The following ABCC4 variants were observed in gnomAD, a reference collection of about 807,000 sequenced individuals.
The protein encoded by ABCC4 is ATP-binding cassette sub-family C member 4.
Under a neutral mutation model 168.5 loss-of-function variants are expected in ABCC4, and 102 were observed. The ratio of observed to expected loss-of-function variants is 0.61; its 90% CI spans 0.52 to 0.71. ABCC4 has a LOEUF of 0.71. ABCC4 is among the 30% of genes least tolerant of loss of function. The pLI is 0.00. For missense variants in ABCC4, 1,402 were observed against 1,605.8 expected, an observed-to-expected ratio of 0.87 and a Z score of 2.17; for synonymous variants, 617 against 590.7, an observed-to-expected ratio of 1.04 and a Z score of -0.65.
chr13:95,102,993 G>T (rs1467895279), intron 20 of ABCC4, among the ~76,000 whole-genome samples: 1 of 151,506 alleles, frequency 6.6e-6, no homozygotes, highest in Non-Finnish European at 1.5e-5. Flanking sequence ...TGGGCCGGGC[G>T]CAGTGGCTCA....
intron 1 of ABCC4, among the ~76,000 whole-genome samples, chr13:95,281,977 C>T (rs545223072): frequency 1.2e-3 from 176 of 152,092 alleles, no homozygotes; most frequent in African/African-American, 4.0e-3. Context: ...TGTGGTAGCA[C>T]GCACCGGTAG....
intron 19 of ABCC4, among the ~76,000 whole-genome samples, chr13:95,141,502 A>G (rs1417525268): frequency 1.3e-5 from 2 of 151,222 alleles, no homozygotes; most frequent in African/African-American, 2.4e-5. Context: ...TACCATAAAT[A>G]TAAAGCTCCA....
At chr13:95,196,643 A>C (rs945804635) in intron 8 of ABCC4, among the ~76,000 whole-genome samples, 4 of 20,538 alleles carry the variant, frequency 1.9e-4, no homozygotes, top group African/African-American at 9.2e-4. Context: ...GAAGGAAGGA[A>C]GGAAGGAAGG....
intron 30 of ABCC4, among the ~76,000 whole-genome samples, chr13:95,026,016 G>T (rs920132288): frequency 6.6e-6 from 1 of 151,970 alleles, no homozygotes; most frequent in African/African-American, 2.4e-5. Flanking sequence ...CCAGGAGTTC[G>T]AGGCCAGCCT....
chr13:95,024,485 T>A (rs2031286921), intron 30 of ABCC4, among the ~76,000 whole-genome samples: 1 of 152,164 alleles, frequency 6.6e-6, no homozygotes, highest in Non-Finnish European at 1.5e-5. Context: ...AAAGCCACCG[T>A]AACAGAGCTA....
rs1566493749 is a variant in ABCC4, at chr13:95,176,232, G to GCT, written c.1727+1474_1727+1475insAG. On this transcript the variant is annotated intron_variant, in intron 13 of 30. Coordinates refer to ENST00000645237, the MANE Select transcript of ABCC4 (RefSeq NM_005845.5). ...TCCAGGAAGCCGAGGGCAGGGGGGGGGGGGGGGGGGGGGTGGATCCCTTGA... is the reference window on the plus strand; with the variant it reads ...TCCAGGAAGCCGAGGGCAGGGGGGGGCTGGGGGGGGGGGGGTGGATCCCTTGA... Among the ~76,000 whole-genome samples the GCT allele has an allele frequency of 8.7e-4, 56 of 64,642 alleles. 3 individuals are homozygous for GCT. The highest frequency in any genetic ancestry group is 3.0e-3 in the African/African-American group (51 of 17,214). 42.4% of individuals were successfully genotyped at this position (64,642 alleles called of 152,430 possible).
chr13:95,053,107 A>G lies in ABCC4; in HGVS notation c.3444T>C (p.Asn1148=), dbSNP rs1211935103. The change falls in exon 27 of 31, where the codon AAT becomes AAC. Residue 1148 remains asparagine, a synonymous_variant. Transcript: ENST00000645237. ...FNEHTDEELW[N]ALQEVQLKET... ...TTTTATCAATTACCTCTTGTAAGGC[A>G]TTCCACAGTTCCTCATCCGTGTGCT... 9.3e-6 allele frequency: 15 copies of G among 1,613,896 alleles called. No individual in the cohort carries two copies. The highest frequency in any genetic ancestry group is 1.3e-5 in the Non-Finnish European group (15 of 1,179,780).
At chr13:95,111,312 CTTTATA>C (rs1345944392) in intron 20 of ABCC4, among the ~76,000 whole-genome samples, 25 of 152,214 alleles carry the variant, frequency 1.6e-4, no homozygotes, top group African/African-American at 6.0e-4. Context: ...TTGAACAACT[CTTTATA>C]AGCCAGATGT....
intron 8 of ABCC4, among the ~76,000 whole-genome samples, chr13:95,195,721 C>CCT (rs1295167626): frequency 2.0e-5 from 3 of 151,968 alleles, no homozygotes; most frequent in Non-Finnish European, 4.4e-5. Context: ...GCAGCCTCCG[C>CCT]CTCTCCGGTT....
At chr13:95,294,882 A>G (rs1429711886) in intron 1 of ABCC4, among the ~76,000 whole-genome samples, 2 of 152,136 alleles carry the variant, frequency 1.3e-5, no homozygotes, top group African/African-American at 4.8e-5. Context: ...TGAACTCCGG[A>G]GGCAGAGGTT....
At chr13:95,127,525 G>A (rs2035822275) in intron 19 of ABCC4, among the ~76,000 whole-genome samples, 3 of 152,116 alleles carry the variant, frequency 2.0e-5, no homozygotes, top group Non-Finnish European at 2.9e-5. Flanking sequence ...TGATCCACCC[G>A]CTTTGGCCTC....
At chr13:95,115,120 A>G (rs1466813259) in intron 20 of ABCC4, among the ~76,000 whole-genome samples, 1 of 152,184 alleles carries the variant, frequency 6.6e-6, no homozygotes, top group Non-Finnish European at 1.5e-5. Context: ...CAAGTAGACA[A>G]AATTAAACAA....
intron 19 of ABCC4, among the ~76,000 whole-genome samples, chr13:95,121,125 G>A (rs886933928): frequency 6.6e-6 from 1 of 152,134 alleles, no homozygotes. Flanking sequence ...AAGACATGAG[G>A]TACTTATCCT....
chr13:95,071,850 T>C lies in ABCC4; in HGVS notation c.3022A>G (p.Ile1008Val). Residue 1008 changes from isoleucine (I) to valine (V), a missense_variant, in exon 25 of 31, where the codon ATC becomes GTC. By Grantham distance (29) the Ile-to-Val change is conservative (BLOSUM62 3). Transcript: ENST00000645237. ...RQSAEVENMM[I>V]SVERVIEYTD... is the part of the protein sequence containing the mutation. ...TATTCAATGACCCTTTCTACTGAGA[T>C]CATCTGAAAGAAATATGACATCCCG... 1 of 1,537,656 alleles carries C rather than the reference T, an allele frequency of 6.5e-7. No homozygotes were observed. Among genetic ancestry groups the C allele is most frequent in the South Asian group, 1.3e-5 (1 of 76,570 alleles).
At chr13:95,077,406 T>TTGGC in intron 21 of ABCC4, among the ~76,000 whole-genome samples, 1 of 152,004 alleles carries the variant, frequency 6.6e-6, no homozygotes, top group South Asian at 2.1e-4. Context: ...TGGCATGATC[T>TTGGC]TGGCTCACTG....
intron 29 of ABCC4, 121 bp downstream of exon 29, chr13:95,043,561 G>A (rs772041329): frequency 5.4e-6 from 4 of 737,842 alleles, no homozygotes; most frequent in South Asian, 4.6e-5. Flanking sequence ...GCTGGGAAGA[G>A]AGCCAAAATT....
Position 95,186,723 on chromosome 13 carries a change from A to G in ABCC4, c.1523T>C (p.Ile508Thr). The G allele has an allele frequency of 6.2e-7, 1 of 1,614,046 alleles. No individual in the cohort carries two copies. ...CACCTTTTTCAGAGCACAAGCCTTT[A>G]TGACTTTTTCATATCGTTCCTTTTC... ...KYEKERYEKV[I>T]KACALKKDLQ... Residue 508 changes from isoleucine to threonine, a missense_variant, in exon 11 of 31, where the codon ATA becomes ACA. Coordinates refer to ENST00000645237, the MANE Select transcript of ABCC4 (RefSeq NM_005845.5).
chr13:95,273,532 G>A (rs1256292377), intron 1 of ABCC4, among the ~76,000 whole-genome samples: 1 of 152,176 alleles, frequency 6.6e-6, no homozygotes, highest in East Asian at 1.9e-4. Flanking sequence ...ACAAGGCCAG[G>A]TGCATTGCCT....
Position 95,172,943 on chromosome 13 carries a change from G to A in ABCC4, c.1728-2315C>T, listed in dbSNP as rs559177442. Among the ~76,000 whole-genome samples, 9 of 152,238 alleles carry A rather than the reference G, an allele frequency of 5.9e-5. No homozygotes were observed. The East Asian group carries it at 9.7e-4, about 16-fold the overall frequency. On this transcript the variant is annotated intron_variant, in intron 13 of 30. Transcript: ENST00000645237. ...AAAAAGGAAGGAAGGGATGGAGGGA[G>A]GGAGAGAGGGACAGATACAGTCACT...
Sources: allele counts gnomAD v4.1 joint callset (sites outside exome capture counted in the v4.1 genomes callset), GRCh38; gene constraint gnomAD v4.1.1; transcripts MANE v1.5; gene names NCBI Gene and HGNC (gene_info 2026-07-23, HGNC 2026-07-21).